The following SRP54 variants were observed in gnomAD, a reference collection of about 807,000 sequenced individuals.
The protein encoded by SRP54 is signal recognition particle subunit SRP54.
A neutral mutation model predicts 64.8 loss-of-function variants in SRP54; 10 were observed. The ratio of observed to expected loss-of-function variants is 0.15; its 90% confidence interval spans 0.10 to 0.26. The LOEUF is 0.26. Ranked by LOEUF, SRP54 falls within the 10% of genes least tolerant of loss-of-function variation. The pLI is 1.00. For missense variants in SRP54, 325 were observed against 613.7 expected, an observed-to-expected ratio of 0.53 and a Z score of 4.97; for synonymous variants, 193 against 185.6, an observed-to-expected ratio of 1.04 and a Z score of -0.32.
At chr14:35,021,339 T>G (rs2139021162) in intron 13 of SRP54, among the ~76,000 whole-genome samples, 1 of 152,200 alleles carries the variant, frequency 6.6e-6, no homozygotes, top group African/African-American at 2.4e-5. Flanking sequence ...TCTTATGCAT[T>G]TGAAAGCTGG....
chr14:34,991,223 G>A (rs2043972645), intron 1 of SRP54, among the ~76,000 whole-genome samples: 2 of 149,680 alleles, frequency 1.3e-5, no homozygotes, highest in South Asian at 4.2e-4. Context: ...TCCACCTCCT[G>A]GGTTCAAGCG....
chr14:34,999,364 G>A (rs1471096767), intron 2 of SRP54, among the ~76,000 whole-genome samples, 194 bp from the exon 3 acceptor site: 1 of 152,068 alleles, frequency 6.6e-6, no homozygotes, highest in Non-Finnish European at 1.5e-5. Context: ...ATACTTGGGT[G>A]TAAAACTAAA....
intron 1 of SRP54, among the ~76,000 whole-genome samples, chr14:34,988,578 A>AAAAAAAAATATAT (rs1384552218): frequency 2.1e-5 from 1 of 47,104 alleles, no homozygotes; most frequent in African/African-American, 6.7e-5. Flanking sequence ...AAAAAAAAAA[A>AAAAAAAAATATAT]ATATATATAT....
intron 1 of SRP54, among the ~76,000 whole-genome samples, chr14:34,985,040 G>A (rs778754376): frequency 1.4e-4 from 22 of 152,042 alleles, no homozygotes; most frequent in African/African-American, 2.2e-4. Flanking sequence ...TTTTTAAAAG[G>A]ATTATAAGGG....
chr14:35,013,725 T>C lies in SRP54; in HGVS notation c.786-77T>C, dbSNP rs138683658. On this transcript the variant is annotated intron_variant, in intron 9 of 15. Transcript: ENST00000216774. ...TTGTCTAATTAGCTTTGGAGGCGGA[T>C]TCACTTCGAATTTCAGATCTGCTGG... 375 of 1,331,546 alleles carry C rather than the reference T, an allele frequency of 2.8e-4. No homozygotes were observed. In the African/African-American group the frequency reaches 4.8e-3, roughly 17 times the overall value. The allele number at this position is 1,331,546 out of a possible 1,614,324, so 82.5% of individuals were successfully genotyped here.
At chr14:35,008,471 A>G (rs575131305) in intron 5 of SRP54, among the ~76,000 whole-genome samples, 156 bp from the exon 6 acceptor site, 1 of 152,330 alleles carries the variant, frequency 6.6e-6, no homozygotes, top group East Asian at 1.9e-4. Context: ...TTTGTAGGAA[A>G]TTTGCCACAT....
Position 35,029,113 on chromosome 14 carries a change from T to C in SRP54, c.1476T>C (p.Ala492=). ...TGAGGCAGTTTCAACAGGGTGCTGC[T>C]GGCAACATGAAAGGCATGATGGGAT... is the stretch of plus-strand genomic sequence containing the variant. ...SMMRQFQQGA[A]GNMKGMMGFN... is the part of the protein sequence containing the mutation. The change falls in exon 16 of 16, where the codon GCT becomes GCC. Residue 492 remains alanine (A), a synonymous_variant. Coordinates refer to ENST00000216774, the MANE Select transcript of SRP54 (RefSeq NM_003136.4). 1 of 1,614,002 alleles carries C rather than the reference T, an allele frequency of 6.2e-7. No individual in the cohort carries two copies. The highest frequency in any genetic ancestry group is 1.1e-5 in the South Asian group (1 of 91,056).
chr14:35,009,651 A>C (rs1249187303), intron 7 of SRP54, among the ~76,000 whole-genome samples: 1 of 152,116 alleles, frequency 6.6e-6, no homozygotes, highest in African/African-American at 2.4e-5. Context: ...TTCCAAATTC[A>C]GCTTATAAGA....
chr14:35,026,824 TCC>T (rs2139031391), intron 14 of SRP54, among the ~76,000 whole-genome samples: 1 of 152,154 alleles, frequency 6.6e-6, no homozygotes, highest in South Asian at 2.1e-4. Flanking sequence ...ATGCCTGTAA[TCC>T]CAGCTACTCG....
At chr14:35,023,334 C>T (rs2044565963) in intron 14 of SRP54, among the ~76,000 whole-genome samples, 1 of 150,370 alleles carries the variant, frequency 6.7e-6, no homozygotes, top group East Asian at 1.9e-4. Flanking sequence ...TTTGTGAACA[C>T]ATTATATTAA....
rs762886908 is a variant in SRP54, at chr14:34,998,190, G to A, written c.79-1368G>A. On this transcript the variant is annotated intron_variant, in intron 2 of 15. Coordinates refer to ENST00000216774, the MANE Select transcript of SRP54 (RefSeq NM_003136.4). ...GAGAGAACATTCAAGAAATATTTGA[G>A]GGCCTATGTTTTTGCAGACATTTTT... Among the ~76,000 whole-genome samples the A allele has an allele frequency of 2.6e-5, 4 of 152,164 alleles. No individual in the cohort carries two copies. In the South Asian group the frequency reaches 6.2e-4, roughly 24 times the overall value.
Position 35,001,010 on chromosome 14 carries a change from A to G in SRP54, c.245A>G (p.Glu82Gly). ...RKMIQHAVFK[E>G]LVKLVDPGVK... ...ATGATTCAGCATGCTGTATTTAAAG[A>G]ACTTGTGAAGGTAAAAGTATATGAA... Residue 82 changes from glutamate to glycine, a missense_variant, in exon 4 of 16, where the codon GAA (glutamate) becomes GGA (glycine). Around this residue, in one of 3 missense-constraint regions of SRP54, gnomAD observed 156 missense variants for 254.6 expected, o/e 0.61. Coordinates refer to ENST00000216774, the MANE Select transcript of SRP54 (RefSeq NM_003136.4). The G allele has an allele frequency of 6.3e-7, 1 of 1,580,044 alleles. No homozygotes were observed. Among genetic ancestry groups the G allele is most frequent in the Non-Finnish European group, 8.6e-7 (1 of 1,159,466 alleles).
intron 14 of SRP54, among the ~76,000 whole-genome samples, chr14:35,025,398 TAGAC>T (rs2044605601): frequency 6.6e-6 from 1 of 152,214 alleles, no homozygotes; most frequent in African/African-American, 2.4e-5. Flanking sequence ...ACAAAAAAAT[TAGAC>T]AAACATGTTG....
chr14:35,001,393 C>T (rs538770567), intron 4 of SRP54, among the ~76,000 whole-genome samples: 14 of 152,128 alleles, frequency 9.2e-5, no homozygotes, highest in East Asian at 1.9e-4. Context: ...TCAGGCGATC[C>T]GCCCGCTTCG....
chr14:34,988,116 C>T (rs948787032), intron 1 of SRP54, among the ~76,000 whole-genome samples: 3 of 151,920 alleles, frequency 2.0e-5, no homozygotes, highest in Non-Finnish European at 2.9e-5. Flanking sequence ...TTAAATATTT[C>T]TGTAATGTTT....
chr14:35,012,432 A>G (rs554604064), intron 8 of SRP54, among the ~76,000 whole-genome samples: 26 of 152,172 alleles, frequency 1.7e-4, no homozygotes, highest in Admixed American at 4.6e-4. Flanking sequence ...ACGTCTTGAC[A>G]TTGGAGTGTT....
chr14:35,011,834 T>C (rs1383952558), intron 8 of SRP54, among the ~76,000 whole-genome samples, 175 bp downstream of exon 8: 1 of 152,212 alleles, frequency 6.6e-6, no homozygotes, highest in Non-Finnish European at 1.5e-5. Flanking sequence ...TCATTATTTT[T>C]GTTCTCCATT....
At chr14:35,018,579 G>A (rs2044478672) in intron 11 of SRP54, 113 bp from the exon 12 acceptor site, 2 of 797,804 alleles carry the variant, frequency 2.5e-6, no homozygotes, top group Non-Finnish European at 4.0e-6. Flanking sequence ...ATTTATTGAT[G>A]TATATTTTAT....
intron 13 of SRP54, among the ~76,000 whole-genome samples, chr14:35,020,485 T>C (rs1270827612): frequency 6.6e-6 from 1 of 152,262 alleles, no homozygotes; most frequent in Non-Finnish European, 1.5e-5. Flanking sequence ...GTCAGTTCTG[T>C]CAAACCCTGC....
Sources: gnomAD v4.1 joint callset for allele counts (sites outside exome capture counted in the v4.1 genomes callset) on GRCh38, gnomAD v4.1.1 for gene constraint, gnomAD v4.1.1 regional missense constraint, MANE v1.5 for transcripts, NCBI Gene and HGNC (gene_info 2026-07-23, HGNC 2026-07-21) for gene names.